CDK14: variants seen among roughly 807,000 people sequenced by gnomAD.
CDK14 encodes the protein cyclin-dependent kinase 14.
CDK14 carries 34 observed loss-of-function variants against 60.7 expected under a neutral mutation model. That is an observed-to-expected ratio of 0.56 (90% CI 0.43 to 0.75). The LOEUF is 0.75. CDK14 is among the 30% of genes least tolerant of loss of function. The pLI, the probability that CDK14 is intolerant of heterozygous loss-of-function variation, is 0.00. For missense variants in CDK14, 482 were observed against 564.1 expected (o/e 0.85, Z 1.47); for synonymous variants, 197 against 203.7 (o/e 0.97, Z 0.28).
chr7:91,102,348 T>C (rs551337171), intron 12 of CDK14, among the ~76,000 whole-genome samples: 2 of 152,298 alleles, frequency 1.3e-5, no homozygotes, highest in South Asian at 4.1e-4. Flanking sequence ...CCATATAAAA[T>C]GTAAGTGAGG....
intron 10 of CDK14, among the ~76,000 whole-genome samples, chr7:91,040,849 A>G (rs1797069101): frequency 6.6e-6 from 1 of 152,250 alleles, no homozygotes; most frequent in African/African-American, 2.4e-5. Context: ...AAAAGCAAAG[A>G]CTAGAAAGTG....
At chr7:90,924,435 C>T (rs1483894668) in intron 8 of CDK14, among the ~76,000 whole-genome samples, 1 of 152,148 alleles carries the variant, frequency 6.6e-6, no homozygotes, top group South Asian at 2.1e-4. Context: ...TAAACGTTAG[C>T]TTAGAGTTTG....
In CDK14 at chr7:90,912,451, TGTG is replaced by T. The variant is rs572662634; in HGVS notation, c.703-5145_703-5143del. On this transcript the variant is annotated intron_variant, in intron 7 of 14. Coordinates refer to ENST00000380050, the MANE Select transcript of CDK14 (RefSeq NM_001287135.2). Reference sequence around the variant, plus strand: ...ATCAACCTCATTTAAGATAATGAGGTGTGGTGGAAAATTCACAAGAGCTGTGTG... The same window carrying T: ...ATCAACCTCATTTAAGATAATGAGGTGTGGAAAATTCACAAGAGCTGTGTG... 1.2e-4 allele frequency among the ~76,000 whole-genome samples: 19 copies of T among 152,268 alleles called. No homozygotes were observed. In the East Asian group the frequency reaches 3.7e-3, roughly 29 times the overall value.
At chr7:90,978,150 TG>T (rs1302588735) in intron 9 of CDK14, among the ~76,000 whole-genome samples, 4 of 151,964 alleles carry the variant, frequency 2.6e-5, no homozygotes. Flanking sequence ...GATCTTGGGA[TG>T]GGAAAGAGTG....
intron 5 of CDK14, among the ~76,000 whole-genome samples, chr7:90,819,197 G>C (rs1017349945): frequency 5.3e-5 from 8 of 152,290 alleles, no homozygotes; most frequent in Non-Finnish European, 1.2e-4. Flanking sequence ...TGCAAAAGCA[G>C]ATTTGAGATG....
At chr7:90,884,232 A>C (rs55757124) in intron 6 of CDK14, among the ~76,000 whole-genome samples, 13,603 of 152,254 alleles carry the variant, frequency 0.089, 765 homozygotes, top group East Asian at 0.18. Flanking sequence ...CAACTTCAGC[A>C]AAGTCTCAGA....
rs187827342 is a variant in CDK14, at chr7:91,019,002, G to A, written c.1042-26895G>A. On this transcript the variant is annotated intron_variant, in intron 10 of 14. Transcript: ENST00000380050. ...CAAATCTCCTAATACCATCACATTG[G>A]GGATTAGGTTTTAGCCTGTGAATTC... Among the ~76,000 whole-genome samples the A allele has an allele frequency of 1.4e-4, 22 of 152,184 alleles. No homozygotes were observed. The East Asian group carries it at 4.3e-3, about 30-fold the overall frequency.
chr7:91,141,227 C>A (rs1382873743), intron 14 of CDK14, among the ~76,000 whole-genome samples: 1 of 152,154 alleles, frequency 6.6e-6, no homozygotes, highest in Non-Finnish European at 1.5e-5. Context: ...GGGGGCCATT[C>A]CAGAAAATCG....
At chr7:91,043,319 A>G (rs1276674299) in intron 10 of CDK14, among the ~76,000 whole-genome samples, 1 of 152,240 alleles carries the variant, frequency 6.6e-6, no homozygotes, top group Non-Finnish European at 1.5e-5. Flanking sequence ...TTCATTGTTT[A>G]TAAAACTTCC....
intron 14 of CDK14, among the ~76,000 whole-genome samples, chr7:91,167,168 A>G (rs915577944): frequency 3.3e-5 from 5 of 152,222 alleles, no homozygotes; most frequent in African/African-American, 1.2e-4. Flanking sequence ...TGTATTTCAC[A>G]GTCTTTTGTC....
intron 7 of CDK14, among the ~76,000 whole-genome samples, chr7:90,904,479 T>C (rs1311344922): frequency 6.6e-6 from 1 of 152,006 alleles, no homozygotes; most frequent in East Asian, 1.9e-4. Flanking sequence ...AAAGGAGCTC[T>C]TGGAAATTAA....
chr7:91,169,894 G>A (rs1305216266), intron 14 of CDK14, among the ~76,000 whole-genome samples: 2 of 152,186 alleles, frequency 1.3e-5, no homozygotes, highest in East Asian at 3.8e-4. Context: ...AAATAGCATT[G>A]TGCTTTATAA....
At chr7:91,059,408 G>T (rs1242493995) in intron 11 of CDK14, among the ~76,000 whole-genome samples, 2 of 151,996 alleles carry the variant, frequency 1.3e-5, no homozygotes, top group Non-Finnish European at 2.9e-5. Flanking sequence ...ATTTCCTTCA[G>T]TTCTGCTCTG....
At chr7:90,790,465 T>A (rs1173388855) in intron 4 of CDK14, 108 bp from the exon 5 acceptor site, 1 of 646,274 alleles carries the variant, frequency 1.5e-6, no homozygotes, top group Non-Finnish European at 2.5e-6. Flanking sequence ...TCACTGACAT[T>A]TTTAGCATAA....
chr7:90,869,683 A>G (rs1050912103), intron 6 of CDK14, among the ~76,000 whole-genome samples: 3 of 152,230 alleles, frequency 2.0e-5, no homozygotes, highest in African/African-American at 7.2e-5. Flanking sequence ...ATGTCTGCAG[A>G]AGAGGTGAAG....
chr7:91,081,365 G>A (rs2116228987), intron 12 of CDK14, among the ~76,000 whole-genome samples: 1 of 152,202 alleles, frequency 6.6e-6, no homozygotes, highest in Non-Finnish European at 1.5e-5. Context: ...CAACTAATTT[G>A]CTTGTCTATA....
At chr7:90,673,379 T>G in intron 2 of CDK14, among the ~76,000 whole-genome samples, 1 of 152,178 alleles carries the variant, frequency 6.6e-6, no homozygotes, top group South Asian at 2.1e-4. Context: ...TTCACAGATG[T>G]GGCCACATTC....
intron 2 of CDK14, among the ~76,000 whole-genome samples, chr7:90,620,409 G>A (rs925019631): frequency 2.0e-5 from 3 of 152,104 alleles, no homozygotes; most frequent in African/African-American, 7.2e-5. Context: ...TCCAGACGGC[G>A]GTGAGTGACG....
intron 11 of CDK14, among the ~76,000 whole-genome samples, chr7:91,052,130 G>T (rs1797410399): frequency 6.6e-6 from 1 of 152,170 alleles, no homozygotes; most frequent in African/African-American, 2.4e-5. Flanking sequence ...AGCTGAGAGT[G>T]CGAGTGGTGT....
Sources: allele counts gnomAD v4.1 joint callset (sites outside exome capture counted in the v4.1 genomes callset), GRCh38; gene constraint gnomAD v4.1.1; transcripts MANE v1.5; gene names NCBI Gene and HGNC (gene_info 2026-07-23, HGNC 2026-07-21).